Variants in ADCY8 observed in about 807,000 individuals in gnomAD.
ADCY8 encodes adenylate cyclase type 8.
A neutral mutation model predicts 119.7 loss-of-function variants in ADCY8; 51 were observed. The ratio of observed to expected loss-of-function variants is 0.43; its 90% CI spans 0.34 to 0.54. The LOEUF is 0.54. Ranked by LOEUF, ADCY8 falls within the 20% of genes least tolerant of loss-of-function variation. ADCY8 has a pLI of 0.03. For missense variants in ADCY8, 1,383 were observed against 1,598.8 expected (o/e 0.87, Z 2.30); for synonymous variants, 665 against 651.0 (o/e 1.02, Z -0.33).
chr8:130,841,316 C>T (rs891956892), intron 11 of ADCY8, among the ~76,000 whole-genome samples: 2 of 152,138 alleles, frequency 1.3e-5, no homozygotes, highest in Non-Finnish European at 2.9e-5. Flanking sequence ...GTATATGTAA[C>T]ACTTTTCTTC....
At chr8:130,828,201 A>G (rs749133406) in intron 12 of ADCY8, among the ~76,000 whole-genome samples, 1 of 152,156 alleles carries the variant, frequency 6.6e-6, no homozygotes, top group Non-Finnish European at 1.5e-5. Flanking sequence ...CATGTCTCCT[A>G]TCCTCTCTGT....
intron 2 of ADCY8, among the ~76,000 whole-genome samples, chr8:130,963,641 G>C (rs1179859130): frequency 6.6e-6 from 1 of 152,128 alleles, no homozygotes; most frequent in East Asian, 1.9e-4. Context: ...GATAGTCATG[G>C]TATCAGAGAG....
At position 131,040,319 on chromosome 8, in the gene ADCY8, A is replaced by T. The variant is rs748561674; in HGVS notation, c.15T>A (p.Asp5Glu). MELS[D>E]VRCLTGSEEL... ...CCTCGCTGCCTGTAAGGCAGCGCACATCGGAGAGCTCCATGGCTCTGGGCC... is the reference window on the plus strand; with the variant it reads ...CCTCGCTGCCTGTAAGGCAGCGCACTTCGGAGAGCTCCATGGCTCTGGGCC... Residue 5 changes from aspartate to glutamate, a missense_variant, in exon 1 of 18, where the codon GAT becomes GAA. Physicochemically the swap from Asp to Glu is conservative, Grantham distance 45 (BLOSUM62 2). Coordinates refer to ENST00000286355, the MANE Select transcript of ADCY8 (RefSeq NM_001115.3). 7.2e-6 allele frequency: 11 copies of T among 1,531,410 alleles called. No individual in the cohort carries two copies. The highest frequency in any genetic ancestry group is 8.7e-6 in the Non-Finnish European group (10 of 1,143,824). 94.9% of individuals were successfully genotyped at this position (1,531,410 alleles called of 1,614,324 possible). A position where few individuals can be genotyped will look rare whatever the true frequency, so the allele number is the denominator to read the frequency against.
At chr8:130,892,155 T>G (rs1415839507) in intron 7 of ADCY8, 2 of 152,140 alleles carry the variant, frequency 1.3e-5, no homozygotes, top group African/African-American at 4.8e-5. Context: ...GGGGTCAGAA[T>G]GTCCATTCTG....
chr8:130,995,849 T>C (rs1822756584), intron 1 of ADCY8, among the ~76,000 whole-genome samples: 1 of 152,184 alleles, frequency 6.6e-6, no homozygotes, highest in South Asian at 2.1e-4. Context: ...ACTTGATGCC[T>C]ATCTGCCGCA....
chr8:130,801,464 C>A (rs1164669317), intron 14 of ADCY8, among the ~76,000 whole-genome samples: 1 of 152,198 alleles, frequency 6.6e-6, no homozygotes. Flanking sequence ...CATTTTATAA[C>A]TTCTTCAGCA....
At chr8:130,945,227 G>A (rs1029628865) in intron 3 of ADCY8, among the ~76,000 whole-genome samples, 1 of 152,236 alleles carries the variant, frequency 6.6e-6, no homozygotes, top group African/African-American at 2.4e-5. Flanking sequence ...GGGCAATGAT[G>A]GAGAAGGGGC....
chr8:130,794,897 C>T (rs1334239239), intron 15 of ADCY8, among the ~76,000 whole-genome samples: 2 of 152,184 alleles, frequency 1.3e-5, no homozygotes, highest in Non-Finnish European at 2.9e-5. Flanking sequence ...GGCTAAATTA[C>T]ATAAATTCAA....
At chr8:130,879,312 G>A (rs780138102) in intron 8 of ADCY8, among the ~76,000 whole-genome samples, 1 of 152,166 alleles carries the variant, frequency 6.6e-6, no homozygotes, top group East Asian at 1.9e-4. Flanking sequence ...TGAGCACTGC[G>A]ATAAAAGATT....
chr8:130,846,581 CCCTCCCTCCCTTCCTT>C (rs1438709618), intron 11 of ADCY8, among the ~76,000 whole-genome samples: 9 of 124,148 alleles, frequency 7.2e-5, no homozygotes, highest in Admixed American at 3.9e-4. Context: ...CCCCTTCTTC[CCCTCCCTCCCTTCCTT>C]CCTCCCTCCC....
intron 5 of ADCY8, among the ~76,000 whole-genome samples, chr8:130,916,401 C>A (rs751104284): frequency 1.3e-5 from 2 of 152,306 alleles, no homozygotes; most frequent in South Asian, 2.1e-4. Flanking sequence ...TTTCCTTCAA[C>A]CCTGATCCAT....
intron 4 of ADCY8, among the ~76,000 whole-genome samples, chr8:130,937,936 G>T (rs553605949): frequency 6.6e-6 from 1 of 152,242 alleles, no homozygotes; most frequent in South Asian, 2.1e-4. Context: ...AGAAGTAGTT[G>T]TTAGTTTGGT....
intron 1 of ADCY8, among the ~76,000 whole-genome samples, chr8:131,007,629 T>A (rs1196889887): frequency 6.6e-6 from 1 of 152,208 alleles, no homozygotes; most frequent in African/African-American, 2.4e-5. Context: ...AAATGAGAGG[T>A]GTGCAGCTTC....
At chr8:130,911,436 A>G (rs1819976397) in intron 5 of ADCY8, among the ~76,000 whole-genome samples, 1 of 152,182 alleles carries the variant, frequency 6.6e-6, no homozygotes, top group Non-Finnish European at 1.5e-5. Flanking sequence ...TAGCTCTGAT[A>G]GCCACTGAAG....
intron 17 of ADCY8, among the ~76,000 whole-genome samples, chr8:130,782,309 T>C (rs1259575387): frequency 6.6e-6 from 1 of 152,162 alleles, no homozygotes; most frequent in Admixed American, 6.5e-5. Flanking sequence ...TGACAGCCAA[T>C]ATCCCATTTG....
intron 7 of ADCY8, among the ~76,000 whole-genome samples, chr8:130,898,361 T>C (rs188605754): frequency 6.6e-4 from 101 of 152,422 alleles, no homozygotes; most frequent in Non-Finnish European, 1.1e-3. Context: ...ACCTTGTGGA[T>C]GTTTATCTAT....
chr8:130,882,500 C>G (rs199946013), intron 8 of ADCY8, among the ~76,000 whole-genome samples: 1 of 152,100 alleles, frequency 6.6e-6, no homozygotes, highest in Admixed American at 6.6e-5. Context: ...CTTCTTCGTA[C>G]GAAACCCTGG....
At chr8:130,990,042 T>C (rs56199644) in intron 2 of ADCY8, among the ~76,000 whole-genome samples, 3,263 of 152,276 alleles carry the variant, frequency 0.021, 140 homozygotes, top group African/African-American at 0.073. Flanking sequence ...ATGTCTGAAA[T>C]AACACATTTA....
chr8:130,934,381 G>C lies in ADCY8; in HGVS notation c.1481+2692C>G, dbSNP rs571145050. On this transcript the variant is annotated intron_variant, in intron 5 of 17. Transcript: ENST00000286355. ...AACAGAGAAGGAGGAAGAGAGCAAA[G>C]AAGGAGGTGCTACACACTTATAAAC... is the stretch of plus-strand genomic sequence containing the variant. Among the ~76,000 whole-genome samples the C allele has an allele frequency of 3.9e-5, 6 of 152,294 alleles. No individual in the cohort carries two copies. In the South Asian group the frequency reaches 1.2e-3, roughly 32 times the overall value.
Sources: gnomAD v4.1 joint callset for allele counts (sites outside exome capture counted in the v4.1 genomes callset) on GRCh38, gnomAD v4.1.1 for gene constraint, MANE v1.5 for transcripts, NCBI Gene and HGNC (gene_info 2026-07-23, HGNC 2026-07-21) for gene names.